RUNX1: variants seen among roughly 807,000 people sequenced by gnomAD.
The protein encoded by RUNX1 is RUNX family transcription factor 1, also known as runt-related transcription factor 1.
In RUNX1, 19 loss-of-function variants were observed where a neutral mutation model predicts 42.8. The observed-to-expected ratio is 0.44, with a 90% CI of 0.31 to 0.65. The LOEUF is 0.65. Ranked by LOEUF, RUNX1 falls within the 30% of genes least tolerant of loss-of-function variation. The probability of loss-of-function intolerance (pLI) is 0.07; values close to 1 mark genes in which losing one functional copy is unlikely to be tolerated. For synonymous variants in RUNX1, 271 were observed against 289.4 expected, an observed-to-expected ratio of 0.94 and a Z score of 0.64; for missense variants, 528 against 672.0, an observed-to-expected ratio of 0.79 and a Z score of 2.37.
intron 2 of RUNX1, among the ~76,000 whole-genome samples, chr21:35,014,339 A>G (rs1256565199): frequency 6.6e-6 from 1 of 152,202 alleles, no homozygotes. Flanking sequence ...ACAATGAAAC[A>G]TCCTGCCTAG....
At chr21:34,931,895 CTGAAT>C (rs2058450251) in intron 2 of RUNX1, among the ~76,000 whole-genome samples, 2 of 152,034 alleles carry the variant, frequency 1.3e-5, no homozygotes, top group African/African-American at 4.8e-5. Context: ...GAAGTCTGTA[CTGAAT>C]TCCTTAGGCA....
At chr21:34,836,396 G>A (rs1423457712) in intron 6 of RUNX1, among the ~76,000 whole-genome samples, 1 of 152,156 alleles carries the variant, frequency 6.6e-6, no homozygotes, top group African/African-American at 2.4e-5. Context: ...GCTCTGTGTT[G>A]GTCAGCCATG....
At chr21:34,804,736 T>C (rs2056654649) in intron 7 of RUNX1, among the ~76,000 whole-genome samples, 1 of 139,524 alleles carries the variant, frequency 7.2e-6, no homozygotes, top group African/African-American at 2.7e-5. Context: ...GGCAGGGAGA[T>C]GGAAACTTTT....
intron 2 of RUNX1, chr21:35,038,418 A>G: frequency 2.5e-6 from 1 of 398,086 alleles, no homozygotes; most frequent in Non-Finnish European, 5.0e-6. Context: ...CTCCAGGGAA[A>G]GAAATAAAGG....
At chr21:34,890,252 G>T (rs2058064996) in intron 3 of RUNX1, among the ~76,000 whole-genome samples, 1 of 151,984 alleles carries the variant, frequency 6.6e-6, no homozygotes, top group South Asian at 2.1e-4. Flanking sequence ...GCAGTCCCCG[G>T]AGCTCCCGGA....
At chr21:35,043,558 T>C (rs1200197734) in intron 2 of RUNX1, among the ~76,000 whole-genome samples, 1 of 152,254 alleles carries the variant, frequency 6.6e-6, no homozygotes, top group East Asian at 1.9e-4. Flanking sequence ...GTTATTAAGC[T>C]AAGAAGATTT....
At chr21:34,829,566 G>A (rs866105672) in intron 7 of RUNX1, among the ~76,000 whole-genome samples, 2 of 152,078 alleles carry the variant, frequency 1.3e-5, no homozygotes, top group African/African-American at 4.8e-5. Flanking sequence ...ACTACACCTT[G>A]TTAAAAGCTA....
chr21:34,972,387 A>G (rs575751967), intron 2 of RUNX1, among the ~76,000 whole-genome samples: 2 of 152,368 alleles, frequency 1.3e-5, no homozygotes, highest in Admixed American at 6.5e-5. Flanking sequence ...AAAATTATTT[A>G]TATCTCTGGC....
At chr21:34,800,672 A>G (rs549410824) in intron 7 of RUNX1, among the ~76,000 whole-genome samples, 2 of 152,286 alleles carry the variant, frequency 1.3e-5, no homozygotes, top group South Asian at 4.1e-4. Flanking sequence ...CTTTCTGTTT[A>G]TCTCTTTGAA....
intron 4 of RUNX1, among the ~76,000 whole-genome samples, chr21:34,882,450 G>T (rs1266455705): frequency 6.6e-6 from 1 of 152,182 alleles, no homozygotes. Context: ...GCCAAACAAG[G>T]TCTGGGCCTT....
At chr21:34,917,292 A>G (rs1008074502) in intron 2 of RUNX1, among the ~76,000 whole-genome samples, 2 of 152,232 alleles carry the variant, frequency 1.3e-5, no homozygotes, top group African/African-American at 2.4e-5. Context: ...GAGAAAGCAG[A>G]TGGAGACAGG....
At chr21:35,036,199 T>A (rs1385727017) in intron 2 of RUNX1, among the ~76,000 whole-genome samples, 1 of 152,356 alleles carries the variant, frequency 6.6e-6, no homozygotes. Flanking sequence ...GTTTATAGCA[T>A]GAAATTTTTA....
At chr21:34,814,702 G>C (rs1440018731) in intron 7 of RUNX1, among the ~76,000 whole-genome samples, 1 of 152,162 alleles carries the variant, frequency 6.6e-6, no homozygotes, top group African/African-American at 2.4e-5. Context: ...GTTTACGAAA[G>C]ACTAAAAGCA....
chr21:34,985,223 C>T (rs1466528665), intron 2 of RUNX1, among the ~76,000 whole-genome samples: 4 of 152,150 alleles, frequency 2.6e-5, no homozygotes, highest in Admixed American at 6.5e-5. Context: ...CTTCATTTCC[C>T]TATGGTCTCA....
At chr21:34,865,180 T>C (rs2057639108) in intron 5 of RUNX1, among the ~76,000 whole-genome samples, 1 of 151,794 alleles carries the variant, frequency 6.6e-6, no homozygotes, top group African/African-American at 2.4e-5. Flanking sequence ...AAAGACATGA[T>C]AAAGGTGATT....
rs145687401 is a variant in RUNX1 at position 34,871,420 on chromosome 21, A to G, written c.508+9137T>C. Among the ~76,000 whole-genome samples the G allele has an allele frequency of 1.4e-3, 206 of 152,318 alleles. 1 individual carries two copies. Among genetic ancestry groups the G allele is most frequent in the African/African-American group, 4.7e-3 (195 of 41,574 alleles). Reference sequence around the variant, plus strand: ...GATGTATACACGGAGAAGGAAAATTAGGCGTGAGGGTCCCCATGCAGCACA... The same window carrying G: ...GATGTATACACGGAGAAGGAAAATTGGGCGTGAGGGTCCCCATGCAGCACA... On this transcript the variant is annotated intron_variant, in intron 5 of 8. Transcript: ENST00000675419.
chr21:34,886,495 T>C (rs1233296592), intron 4 of RUNX1, among the ~76,000 whole-genome samples: 2 of 152,246 alleles, frequency 1.3e-5, no homozygotes, highest in Non-Finnish European at 2.9e-5. Flanking sequence ...AGCAGTAAGT[T>C]AGCAGACGGG....
chr21:34,882,036 G>T (rs78498535), intron 4 of RUNX1, among the ~76,000 whole-genome samples: 1 of 152,072 alleles, frequency 6.6e-6, no homozygotes, highest in Admixed American at 6.5e-5. Context: ...TTTTGAATTG[G>T]TAACAGTAAA....
rs57551639 is a variant in RUNX1 at position 34,907,742 on chromosome 21, G to C, written c.59-14779C>G. ...CTTGTCAAGCTAAACAGTCATGAGA[G>C]GTGAAGGATTATTATGAAATAAAAC... On this transcript the variant is annotated intron_variant, in intron 2 of 8. Transcript: ENST00000675419. This position sits in a 1 kb window ranked among gnomAD's most constrained non-coding sequence, Gnocchi z 5.3. 1.4e-3 allele frequency among the ~76,000 whole-genome samples: 217 copies of C among 152,272 alleles called. 1 individual carries two copies. Among genetic ancestry groups the C allele is most frequent in the African/African-American group, 5.1e-3 (211 of 41,542 alleles).
Sources: gnomAD v4.1 joint callset for allele counts (sites outside exome capture counted in the v4.1 genomes callset) on GRCh38, gnomAD v4.1.1 for gene constraint, Gnocchi (gnomAD v3.1) non-coding constraint, MANE v1.5 for transcripts, NCBI Gene and HGNC (gene_info 2026-07-23, HGNC 2026-07-21) for gene names.